BTBD10: variants seen among roughly 807,000 people sequenced by gnomAD.
BTBD10 encodes BTB domain containing 10, also known as BTB/POZ domain-containing protein 10.
Under a neutral mutation model 53.2 loss-of-function variants are expected in BTBD10, and 21 were observed. The observed-to-expected ratio is 0.39, with a 90% CI of 0.28 to 0.57. BTBD10 has a LOEUF of 0.57. BTBD10 is among the 20% of genes least tolerant of loss of function. The pLI, the probability that BTBD10 is intolerant of heterozygous loss-of-function variation, is 0.53. For missense variants in BTBD10, 360 were observed against 594.7 expected (o/e 0.61, Z 4.10); for synonymous variants, 149 against 192.7 (o/e 0.77, Z 1.88).
intron 1 of BTBD10, among the ~76,000 whole-genome samples, chr11:13,458,054 C>G (rs1951008343): frequency 6.8e-6 from 1 of 147,982 alleles, no homozygotes; most frequent in South Asian, 2.1e-4. Flanking sequence ...ATAATCCCAA[C>G]TACTTGGGAG....
chr11:13,443,467 T>C (rs748996192), intron 2 of BTBD10, among the ~76,000 whole-genome samples: 2 of 152,116 alleles, frequency 1.3e-5, no homozygotes, highest in African/African-American at 2.4e-5. Flanking sequence ...TATTATACCT[T>C]AGCAATCTGT....
At position 13,398,325 on chromosome 11, in the gene BTBD10, T is replaced by C. The variant is rs1041709370; in HGVS notation, c.1117+4843A>G. Reference sequence around the variant, plus strand: ...CCTTCTTTGTCTCTTTTGATCTTTGTTGGTTTAAAGTCTGTTTTATCAGAG... The same window carrying C: ...CCTTCTTTGTCTCTTTTGATCTTTGCTGGTTTAAAGTCTGTTTTATCAGAG... On this transcript the variant is annotated intron_variant, in intron 8 of 8. Transcript: ENST00000278174. Among the ~76,000 whole-genome samples, 414 of 152,184 alleles carry C rather than the reference T, an allele frequency of 2.7e-3. 3 individuals are homozygous for C. Among genetic ancestry groups the C allele is most frequent in the African/African-American group, 9.6e-3 (397 of 41,534 alleles).
intron 2 of BTBD10, among the ~76,000 whole-genome samples, chr11:13,429,255 A>C (rs2133990992): frequency 6.6e-6 from 1 of 152,334 alleles, no homozygotes; most frequent in Middle Eastern, 3.4e-3. Context: ...ATCCCAATGG[A>C]AAACCAAGTA....
chr11:13,446,189 C>G (rs188174984), intron 1 of BTBD10, among the ~76,000 whole-genome samples: 57 of 152,240 alleles, frequency 3.7e-4, no homozygotes, highest in African/African-American at 1.4e-3. Flanking sequence ...GACTGGAACT[C>G]AGGTTTCCTG....
chr11:13,437,324 T>C (rs1349396409), intron 2 of BTBD10, among the ~76,000 whole-genome samples: 1 of 152,200 alleles, frequency 6.6e-6, no homozygotes, highest in Non-Finnish European at 1.5e-5. Context: ...GTCTTTTTCA[T>C]ATGTGATGCT....
Position 13,445,103 on chromosome 11 carries a change from A to G in BTBD10, c.22T>C (p.Tyr8His). The G allele has an allele frequency of 6.2e-6, 10 of 1,613,310 alleles. No individual in the cohort carries two copies. The highest frequency in any genetic ancestry group is 8.5e-6 in the Non-Finnish European group (10 of 1,179,412). MAGRPHP[Y>H]DGNSSDPENW... ...TCTGGATCACTGGAGTTACCATCAT[A>G]GGGATGAGGCCGTCCTGCCATCCCA... The change falls in exon 2 of 9, where the codon TAT (tyrosine) becomes CAT (histidine). Residue 8 changes from tyrosine to histidine, a missense_variant. By Grantham distance (83) the Tyr-to-His change is moderately conservative (BLOSUM62 2). Transcript: ENST00000278174.
intron 6 of BTBD10, among the ~76,000 whole-genome samples, chr11:13,412,196 G>A (rs574742387): frequency 4.6e-5 from 7 of 152,124 alleles, no homozygotes; most frequent in Admixed American, 4.6e-4. Flanking sequence ...GCTCACACCT[G>A]TAATCCCAGC....
intron 2 of BTBD10, among the ~76,000 whole-genome samples, chr11:13,436,194 C>T (rs987114264): frequency 3.3e-5 from 5 of 152,182 alleles, no homozygotes; most frequent in African/African-American, 1.2e-4. Context: ...TCATTCTAGC[C>T]TTGGAAAGTT....
chr11:13,400,826 C>A (rs1336043802), intron 8 of BTBD10, among the ~76,000 whole-genome samples: 1 of 152,112 alleles, frequency 6.6e-6, no homozygotes, highest in African/African-American at 2.4e-5. Flanking sequence ...AATAATAGGG[C>A]AAATCCAGAA....
At chr11:13,414,705 T>A (rs1490754466) in intron 5 of BTBD10, among the ~76,000 whole-genome samples, 1 of 149,974 alleles carries the variant, frequency 6.7e-6, no homozygotes, top group African/African-American at 2.5e-5. Context: ...CCAGGCGTGG[T>A]GGTGCACACC....
rs117435956 is a variant in BTBD10, at chr11:13,450,144, C to T, written c.-57-4963G>A. 3.9e-3 allele frequency among the ~76,000 whole-genome samples: 593 copies of T among 152,182 alleles called. 3 individuals carry two copies. The highest frequency in any genetic ancestry group is 5.9e-3 in the Non-Finnish European group (403 of 68,000). On this transcript the variant is annotated intron_variant, in intron 1 of 8. Coordinates refer to ENST00000278174, the MANE Select transcript of BTBD10 (RefSeq NM_032320.7). The stretch of plus-strand genomic sequence containing the variant: ...AGAGGATAGAATTACATAGTGATCC[C>T]AGAATCAGACGACAAGGGCTGCCTT...
intron 1 of BTBD10, among the ~76,000 whole-genome samples, chr11:13,454,009 G>A (rs376339079): frequency 2.0e-5 from 3 of 151,968 alleles, no homozygotes; most frequent in South Asian, 2.1e-4. Flanking sequence ...CCAAGATCGC[G>A]CCACTGCACT....
chr11:13,461,730 C>A (rs771913082), intron 1 of BTBD10, among the ~76,000 whole-genome samples: 1 of 152,106 alleles, frequency 6.6e-6, no homozygotes, highest in African/African-American at 2.4e-5. Flanking sequence ...TGAACGAACA[C>A]AAAAACATTG....
At chr11:13,424,603 G>A (rs1429080634) in intron 2 of BTBD10, among the ~76,000 whole-genome samples, 2 of 152,150 alleles carry the variant, frequency 1.3e-5, no homozygotes. Flanking sequence ...GGAAAGCTCT[G>A]TTTCAGGCTG....
intron 1 of BTBD10, among the ~76,000 whole-genome samples, chr11:13,450,689 T>C (rs1220522622): frequency 6.6e-6 from 1 of 152,114 alleles, no homozygotes; most frequent in African/African-American, 2.4e-5. Flanking sequence ...TTGCAAACTA[T>C]CACAGATAAT....
chr11:13,427,351 C>T (rs1341476921), intron 2 of BTBD10, among the ~76,000 whole-genome samples: 2 of 152,158 alleles, frequency 1.3e-5, no homozygotes, highest in African/African-American at 4.8e-5. Context: ...ATATTAATAT[C>T]AGACAAAGCA....
chr11:13,423,986 A>G (rs967431748), intron 2 of BTBD10, among the ~76,000 whole-genome samples: 2 of 151,818 alleles, frequency 1.3e-5, no homozygotes, highest in African/African-American at 4.8e-5. Context: ...TCTTTCAAAC[A>G]GATCAAAAGA....
At chr11:13,418,327 G>A (rs1950165673) in intron 4 of BTBD10, among the ~76,000 whole-genome samples, 1 of 151,998 alleles carries the variant, frequency 6.6e-6, no homozygotes, top group South Asian at 2.1e-4. Context: ...GGAATCAAAT[G>A]TCATCATTTA....
chr11:13,430,281 C>T (rs1310311703), intron 2 of BTBD10, among the ~76,000 whole-genome samples: 3 of 152,088 alleles, frequency 2.0e-5, no homozygotes, highest in Non-Finnish European at 2.9e-5. Flanking sequence ...GAAATGATAG[C>T]GTCACTTGTC....
Sources: allele counts gnomAD v4.1 joint callset (sites outside exome capture counted in the v4.1 genomes callset), GRCh38; gene constraint gnomAD v4.1.1; transcripts MANE v1.5; gene names NCBI Gene and HGNC (gene_info 2026-07-23, HGNC 2026-07-21).